LHFPL1: variants seen among roughly 807,000 people sequenced by gnomAD.
LHFPL1 encodes LHFPL tetraspan subfamily member 1, also known as LHFPL tetraspan subfamily member 1 protein.
LHFPL1 carries 4 observed loss-of-function variants against 12.1 expected under a neutral mutation model. That is an observed-to-expected ratio of 0.33 (90% confidence interval 0.16 to 0.76). The LOEUF is 0.76. LHFPL1 is among the 30% of genes least tolerant of loss of function. The pLI, the probability that LHFPL1 is intolerant of heterozygous loss-of-function variation, is 0.61. For synonymous variants in LHFPL1, 52 were observed against 61.9 expected, an observed-to-expected ratio of 0.84 and a Z score of 0.75; for missense variants, 141 against 174.1, an observed-to-expected ratio of 0.81 and a Z score of 1.07.
chrX:112,650,118 C>A (rs1930813104), intron 3 of LHFPL1, among the ~76,000 whole-genome samples: 1 of 111,033 alleles, frequency 9.0e-6, no homozygotes, highest in South Asian at 3.8e-4. Context: ...ATCAAAGTTG[C>A]AATTAGTGTA....
chrX:112,657,398 A>G (rs752818795), intron 3 of LHFPL1, among the ~76,000 whole-genome samples: 2 of 112,199 alleles, frequency 1.8e-5, no homozygotes, highest in Non-Finnish European at 3.8e-5. Context: ...TACAATTCCT[A>G]TCAAAATATC....
At chrX:112,641,710 C>T (rs778993800) in intron 3 of LHFPL1, among the ~76,000 whole-genome samples, 2 of 112,060 alleles carry the variant, frequency 1.8e-5, no homozygotes, top group South Asian at 7.5e-4. Context: ...CCAACTGGTC[C>T]AACAAGTTCC....
chrX:112,648,173 G>T (rs1444649809), intron 3 of LHFPL1, among the ~76,000 whole-genome samples: 1 of 108,041 alleles, frequency 9.3e-6, no homozygotes, highest in African/African-American at 3.4e-5. Context: ...GGGGCCTGTT[G>T]GGGGGTGGGG....
chrX:112,646,381 C>A (rs939331881), intron 3 of LHFPL1, among the ~76,000 whole-genome samples: 2 of 108,310 alleles, frequency 1.8e-5, no homozygotes, highest in Non-Finnish European at 3.8e-5. Flanking sequence ...CTGGTAGATT[C>A]TTTTTGCAAT....
chrX:112,642,815 C>A (rs1930556083), intron 3 of LHFPL1, among the ~76,000 whole-genome samples: 1 of 110,520 alleles, frequency 9.0e-6, no homozygotes, highest in Admixed American at 9.6e-5. Flanking sequence ...TTTTTCTATT[C>A]AAAATGAAAG....
At chrX:112,644,376 T>G (rs989564576) in intron 3 of LHFPL1, among the ~76,000 whole-genome samples, 3 of 111,738 alleles carry the variant, frequency 2.7e-5, no homozygotes, top group African/African-American at 9.8e-5. Flanking sequence ...ATTTTTAACA[T>G]ATACAATATG....
chrX:112,669,139 G>A (rs979142232), intron 2 of LHFPL1, among the ~76,000 whole-genome samples: 4 of 112,721 alleles, frequency 3.5e-5, no homozygotes, highest in African/African-American at 1.3e-4. Flanking sequence ...TCTTTCTACA[G>A]TTACTGAACA....
In LHFPL1 at chrX:112,679,344, G is replaced by A. The variant is rs892219003; in HGVS notation, c.-15+485C>T. Among the ~76,000 whole-genome samples, 5 of 112,245 alleles carry A rather than the reference G, an allele frequency of 4.5e-5. No homozygotes were observed. In the Admixed American group the frequency reaches 4.7e-4, roughly 11 times the overall value. On this transcript the variant is annotated intron_variant, in intron 1 of 3. Coordinates refer to ENST00000371968, the MANE Select transcript of LHFPL1 (RefSeq NM_178175.4). ...GGATGCATTCTTTTATTTCCAGCCT[G>A]AGAGGCCTCAATATTTGCATTTCAG...
intron 2 of LHFPL1, among the ~76,000 whole-genome samples, chrX:112,669,864 T>C (rs1286501712): frequency 2.7e-5 from 3 of 111,642 alleles, no homozygotes; most frequent in Non-Finnish European, 5.6e-5. Context: ...GTAGTCCCCA[T>C]TGAGACCCAC....
Position 112,642,473 on chromosome X carries a change from T to C in LHFPL1, c.482-10872A>G, listed in dbSNP as rs183075717. On this transcript the variant is annotated intron_variant, in intron 3 of 3. Transcript: ENST00000371968. ...TTAAGTGTGTTCACATTCTTTGATCTAAGGACTAGAGGCAGGACTGAGAAA... is the reference window on the plus strand; with the variant it reads ...TTAAGTGTGTTCACATTCTTTGATCCAAGGACTAGAGGCAGGACTGAGAAA... Among the ~76,000 whole-genome samples, 45 of 108,700 alleles carry C rather than the reference T, an allele frequency of 4.1e-4. 1 individual carries two copies. Among genetic ancestry groups the C allele is most frequent in the Admixed American group, 4.1e-3 (42 of 10,312 alleles). The allele number at this position is 108,700 out of a possible 115,157, so 94.4% of individuals were successfully genotyped here.
chrX:112,673,393 T>C (rs1345240532), intron 1 of LHFPL1, among the ~76,000 whole-genome samples: 2 of 110,865 alleles, frequency 1.8e-5, no homozygotes, highest in Non-Finnish European at 3.8e-5. Context: ...GTGGAACTAG[T>C]TTTGAGTAAT....
At chrX:112,672,284 T>C (rs1024843383) in intron 1 of LHFPL1, among the ~76,000 whole-genome samples, 2 of 111,975 alleles carry the variant, frequency 1.8e-5, no homozygotes, top group South Asian at 3.8e-4. Flanking sequence ...CAGGAACATA[T>C]AGCTGTAAGG....
rs1930735671 is a variant in LHFPL1 at position 112,647,728 on chromosome X, A to G, written c.481+12899T>C. On this transcript the variant is annotated intron_variant, in intron 3 of 3. Coordinates refer to ENST00000371968, the MANE Select transcript of LHFPL1 (RefSeq NM_178175.4). ...AGAACACTTTTACACTGTTGGTGGG[A>G]GTGTAAATTAGTTCAACCATTGTGG... is the stretch of plus-strand genomic sequence containing the variant. Among the ~76,000 whole-genome samples, 5 of 112,052 alleles carry G rather than the reference A, an allele frequency of 4.5e-5. No individual in the cohort carries two copies. The South Asian group carries it at 1.9e-3, about 42-fold the overall frequency.
rs1345499343 is a variant in LHFPL1, at chrX:112,632,209, A to G, written c.482-608T>C. Among the ~76,000 whole-genome samples, 11 of 111,422 alleles carry G rather than the reference A, an allele frequency of 9.9e-5. No individual in the cohort carries two copies. The Admixed American group carries it at 1.1e-3, about 11-fold the overall frequency. ...AATAAAATCAACTCCCTCTTACATCATGTCTCTATCCTAACCTAGCCTTTC... is the reference window on the plus strand; with the variant it reads ...AATAAAATCAACTCCCTCTTACATCGTGTCTCTATCCTAACCTAGCCTTTC... On this transcript the variant is annotated intron_variant, in intron 3 of 3. Coordinates refer to ENST00000371968, the MANE Select transcript of LHFPL1 (RefSeq NM_178175.4).
rs138369150 is a variant in LHFPL1 at position 112,634,703 on chromosome X, A to G, written c.482-3102T>C. Among the ~76,000 whole-genome samples, 768 of 111,578 alleles carry G rather than the reference A, an allele frequency of 6.9e-3. 7 individuals carry two copies. The highest frequency in any genetic ancestry group is 0.022 in the African/African-American group (690 of 30,678). ...TGAAGAGCTGGCTAGAAAGGCCCCA[A>G]TAAACCTCACTGAAGTCAGAACCAG... On this transcript the variant is annotated intron_variant, in intron 3 of 3. Coordinates refer to ENST00000371968, the MANE Select transcript of LHFPL1 (RefSeq NM_178175.4).
At chrX:112,671,745 A>T (rs1931514492) in intron 1 of LHFPL1, among the ~76,000 whole-genome samples, 1 of 111,990 alleles carries the variant, frequency 8.9e-6, no homozygotes, top group Non-Finnish European at 1.9e-5. Context: ...ACATCGTGGA[A>T]CAAGTGGCAG....
chrX:112,651,784 A>T (rs1478282127), intron 3 of LHFPL1, among the ~76,000 whole-genome samples: 3 of 112,194 alleles, frequency 2.7e-5, no homozygotes, highest in African/African-American at 9.7e-5. Context: ...CACCATCCCC[A>T]TAGCCATTCT....
intron 3 of LHFPL1, chrX:112,648,749 T>A (rs1930767967): frequency 1.8e-5 from 2 of 111,814 alleles, no homozygotes; most frequent in African/African-American, 6.5e-5. Context: ...AAAAAAGAAA[T>A]TTATGTATTT....
Position 112,671,113 on chromosome X carries a change from G to A in LHFPL1, c.278C>T (p.Ala93Val), listed in dbSNP as rs1193480454. The change falls in exon 2 of 4, where the codon GCT becomes GTT. Residue 93 changes from alanine to valine, a missense_variant. Transcript: ENST00000371968. ...MCTVVTGAGC[A>V]LLLLVALAAV... ...AGCTAGTGCCACCAGGAGCAGCAGA[G>A]CACAGCCGGCACCTGTCACCACTGT... is the stretch of plus-strand genomic sequence containing the variant. 2 of 1,211,938 alleles carry A rather than the reference G, an allele frequency of 1.7e-6. No homozygotes were observed. The highest frequency in any genetic ancestry group is 4.3e-5 in the Admixed American group (2 of 46,085).
Sources: allele counts gnomAD v4.1 joint callset (sites outside exome capture counted in the v4.1 genomes callset), GRCh38; gene constraint gnomAD v4.1.1; transcripts MANE v1.5; gene names NCBI Gene and HGNC (gene_info 2026-07-23, HGNC 2026-07-21).